Variants in PIK3CG observed in about 807,000 individuals in gnomAD.
The protein encoded by PIK3CG is phosphatidylinositol-4,5-bisphosphate 3-kinase catalytic subunit gamma.
Under a neutral mutation model 102.3 loss-of-function variants are expected in PIK3CG, and 55 were observed. That is an observed-to-expected ratio of 0.54 (90% confidence interval 0.43 to 0.67). PIK3CG has a LOEUF of 0.67. PIK3CG is among the 30% of genes least tolerant of loss of function. PIK3CG has a pLI of 0.00. For synonymous variants in PIK3CG, 552 were observed against 540.0 expected (o/e 1.02, Z -0.31); for missense variants, 1,258 against 1,391.8 (o/e 0.90, Z 1.53).
At position 106,908,761 on chromosome 7, in the gene PIK3CG, AAGTC is replaced by A. The variant is rs1161718122; in HGVS notation, c.*3375_*3378del. On this transcript the variant is annotated 3_prime_UTR_variant, in exon 11 of 11. Transcript: ENST00000496166. This position sits in a 1 kb window ranked among gnomAD's most constrained non-coding sequence, Gnocchi z 4.1. Reference sequence around the variant, plus strand: ...AATGGAAATTAATTATTTTTTAAGTAAGTCCAAAAAATAATCTAGAAAGTAAGTT... The same window carrying A: ...AATGGAAATTAATTATTTTTTAAGTACAAAAAATAATCTAGAAAGTAAGTT... Among the ~76,000 whole-genome samples the A allele has an allele frequency of 1.3e-5, 2 of 152,226 alleles. No homozygotes were observed. The highest frequency in any genetic ancestry group is 6.5e-5 in the Admixed American group (1 of 15,278).
chr7:106,908,886 A>C lies in PIK3CG; in HGVS notation c.*3499A>C, dbSNP rs1243032816. 2.0e-5 allele frequency among the ~76,000 whole-genome samples: 3 copies of C among 152,202 alleles called. No homozygotes were observed. Reference sequence around the variant, plus strand: ...TTAGACTTAACAATATGGAGAAAATAAACTTGTATTTTTAAGTGTTCTGTT... The same window carrying C: ...TTAGACTTAACAATATGGAGAAAATCAACTTGTATTTTTAAGTGTTCTGTT... On this transcript the variant is annotated 3_prime_UTR_variant, in exon 11 of 11. Transcript: ENST00000496166. The surrounding 1 kb of genome is among the most constrained non-coding windows in gnomAD (Gnocchi z 4.1).
chr7:106,869,209 C>A lies in PIK3CG; in HGVS notation c.1648C>A (p.Gln550Lys), dbSNP rs761414831. 8 of 1,614,236 alleles carry A rather than the reference C, an allele frequency of 5.0e-6. No homozygotes were observed. The highest frequency in any genetic ancestry group is 1.3e-5 in the African/African-American group (1 of 75,062). The change falls in exon 2 of 11, where the codon CAG (glutamine) becomes AAG (lysine). Residue 550 changes from glutamine to lysine, a missense_variant. Physicochemically the swap from Gln to Lys is moderately conservative, Grantham distance 53. Coordinates refer to ENST00000496166, the MANE Select transcript of PIK3CG (RefSeq NM_001282426.2). This position sits in a 1 kb window ranked among gnomAD's most constrained non-coding sequence, Gnocchi z 5.3. Reference sequence around the variant, plus strand: ...CCGGGTTCGAGCAGAAATGCCCAACCAGCTTCGCAAGCAATTGGAGGCGAT... The same window carrying A: ...CCGGGTTCGAGCAGAAATGCCCAACAAGCTTCGCAAGCAATTGGAGGCGAT... ...GDRVRAEMPNQLRKQLEAIIA... is the reference protein window; with the variant it reads ...GDRVRAEMPNKLRKQLEAIIA...
Position 106,908,812 on chromosome 7 carries a change from C to CA in PIK3CG, c.*3426dup, listed in dbSNP as rs1365822008. 6.6e-6 allele frequency among the ~76,000 whole-genome samples: 1 copy of CA among 152,136 alleles called. No homozygotes were observed. Among genetic ancestry groups the CA allele is most frequent in the African/African-American group, 2.4e-5 (1 of 41,434 alleles). On this transcript the variant is annotated 3_prime_UTR_variant, in exon 11 of 11. Transcript: ENST00000496166. The surrounding 1 kb of genome is among the most constrained non-coding windows in gnomAD (Gnocchi z 4.1). Reference sequence around the variant, plus strand: ...AGTTTCCAGAGCAAATCTGACCTAGCATTTGGTATGCTAGGCTCTGCTTTT... The same window carrying CA: ...AGTTTCCAGAGCAAATCTGACCTAGCAATTTGGTATGCTAGGCTCTGCTTTT...
chr7:106,886,971 C>T (rs1791114051), intron 10 of PIK3CG, among the ~76,000 whole-genome samples: 2 of 151,924 alleles, frequency 1.3e-5, no homozygotes, highest in Admixed American at 1.3e-4. Context: ...ACATAAAATA[C>T]ACTAGATAGC....
rs1790910706 is a variant in PIK3CG, at chr7:106,880,869, T to A, written c.2538+1204T>A. ...AATTATATTTTTTGTAGAGATGGGG[T>A]CTTGCCATGTTACCCACGCTGGCCT... On this transcript the variant is annotated intron_variant, in intron 6 of 10. Coordinates refer to ENST00000496166, the MANE Select transcript of PIK3CG (RefSeq NM_001282426.2). The surrounding 1 kb of genome is among the most constrained non-coding windows in gnomAD (Gnocchi z 4.2). 6.6e-6 allele frequency among the ~76,000 whole-genome samples: 1 copy of A among 151,932 alleles called. No individual in the cohort carries two copies. The highest frequency in any genetic ancestry group is 1.5e-5 in the Non-Finnish European group (1 of 67,978).
rs765208119 is a variant in PIK3CG, at chr7:106,905,124, G to C, written c.3046G>C (p.Ala1016Pro). 4 of 1,613,828 alleles carry C rather than the reference G, an allele frequency of 2.5e-6. No homozygotes were observed. The highest frequency in any genetic ancestry group is 3.4e-6 in the Non-Finnish European group (4 of 1,179,874). ...CTTTATCCAGGACATCTGTGTTAAG[G>C]CTTATCTAGCCCTTCGTCATCACAC... ...FQKFQDICVKAYLALRHHTNL... is the reference protein window; with the variant it reads ...FQKFQDICVKPYLALRHHTNL... Residue 1016 changes from alanine (A) to proline (P), a missense_variant, in exon 11 of 11, where the codon GCT (alanine) becomes CCT (proline). Physicochemically the swap from Ala to Pro is conservative, Grantham distance 27. Transcript: ENST00000496166. The surrounding 1 kb of genome is among the most constrained non-coding windows in gnomAD (Gnocchi z 5.6).
At position 106,879,228 on chromosome 7, in the gene PIK3CG, C is replaced by T. The variant is rs1219686460; in HGVS notation, c.2392-291C>T. Among the ~76,000 whole-genome samples, 2 of 151,974 alleles carry T rather than the reference C, an allele frequency of 1.3e-5. No homozygotes were observed. Among genetic ancestry groups the T allele is most frequent in the Non-Finnish European group, 2.9e-5 (2 of 68,004 alleles). On this transcript the variant is annotated intron_variant, in intron 5 of 10. Transcript: ENST00000496166. The surrounding 1 kb of genome is among the most constrained non-coding windows in gnomAD (Gnocchi z 4.9). ...TGTGGGAGTGTCAGAGCTCTGTGTG[C>T]GTGGGGAGGGTGAGATCTGCCATAC...
At position 106,867,600 on chromosome 7, in the gene PIK3CG, A is replaced by C; in HGVS notation, c.39A>C (p.Arg13Ser). The C allele has an allele frequency of 1.2e-6, 2 of 1,604,814 alleles. No individual in the cohort carries two copies. Among genetic ancestry groups the C allele is most frequent in the Non-Finnish European group, 8.5e-7 (1 of 1,175,866 alleles). Residue 13 changes from arginine (R) to serine (S), a missense_variant, in exon 2 of 11, where the codon AGA (arginine) becomes AGC (serine). By Grantham distance (110) the Arg-to-Ser change is moderately radical. Coordinates refer to ENST00000496166, the MANE Select transcript of PIK3CG (RefSeq NM_001282426.2). The surrounding 1 kb of genome is among the most constrained non-coding windows in gnomAD (Gnocchi z 5.1). ...LENYKQPVVL[R>S]EDNCRRRRRM... ...ACTATAAACAGCCCGTGGTGCTGAG[A>C]GAGGACAACTGCCGAAGGCGCCGGA...
At position 106,867,667 on chromosome 7, in the gene PIK3CG, G is replaced by T. The variant is rs142342118; in HGVS notation, c.106G>T (p.Glu36Ter). 1 of 1,613,288 alleles carries T rather than the reference G, an allele frequency of 6.2e-7. No homozygotes were observed. The highest frequency in any genetic ancestry group is 1.3e-5 in the African/African-American group (1 of 74,950). The change falls in exon 2 of 11, where the codon GAG becomes TAG. Residue 36 changes from glutamate to a stop codon, truncating the protein, a stop_gained. Transcript: ENST00000496166. LOFTEE classifies it high-confidence loss of function. The surrounding 1 kb of genome is among the most constrained non-coding windows in gnomAD (Gnocchi z 5.1). Reference protein sequence around the residue: ...RSAAASLSSMELIPIEFVLPT... With the variant: ...RSAAASLSSM ...TGCTGCGGCCAGCCTGTCCTCCATG[G>T]AGCTCATCCCCATCGAGTTCGTGCT... is the stretch of plus-strand genomic sequence containing the variant.
rs1277722558 is a variant in PIK3CG at position 106,868,221 on chromosome 7, C to G, written c.660C>G (p.Ile220Met). Residue 220 changes from isoleucine to methionine, a missense_variant, in exon 2 of 11, where the codon ATC (isoleucine) becomes ATG (methionine). Transcript: ENST00000496166. The surrounding 1 kb of genome is among the most constrained non-coding windows in gnomAD (Gnocchi z 6.2). ...YLWKKIANNC[I>M]FIVIHRSTTS... ...GGAAGAAGATTGCCAACAACTGCAT[C>G]TTCATCGTCATTCACCGCAGCACCA... 1 of 1,612,542 alleles carries G rather than the reference C, an allele frequency of 6.2e-7. No individual in the cohort carries two copies. The highest frequency in any genetic ancestry group is 2.2e-5 in the East Asian group (1 of 44,894).
chr7:106,865,652 G>A (rs1562951963), intron 1 of PIK3CG: 2 of 152,274 alleles, frequency 1.3e-5, no homozygotes, highest in African/African-American at 4.8e-5. Flanking sequence ...GAGGAAAAGG[G>A]AGGGCACGGC....
In PIK3CG at chr7:106,871,296, C is replaced by T. The variant is rs563645792; in HGVS notation, c.1996-1241C>T. On this transcript the variant is annotated intron_variant, in intron 2 of 10. Transcript: ENST00000496166. Reference sequence around the variant, plus strand: ...TCTGGCTTAGAAACTTAAAACATTGCGAAAATGAGTACTGGTGGCTAAAAG... The same window carrying T: ...TCTGGCTTAGAAACTTAAAACATTGTGAAAATGAGTACTGGTGGCTAAAAG... 3.9e-5 allele frequency among the ~76,000 whole-genome samples: 6 copies of T among 152,256 alleles called. No individual in the cohort carries two copies. In the South Asian group the frequency reaches 6.2e-4, roughly 16 times the overall value.
At chr7:106,887,933 CTTTTTTTTTTT>C (rs71156344) in intron 10 of PIK3CG, among the ~76,000 whole-genome samples, 2 of 60,602 alleles carry the variant, frequency 3.3e-5, no homozygotes, top group Non-Finnish European at 5.7e-5. Flanking sequence ...GACGACTCTC[CTTTTTTTTTTT>C]TTTTTTTTTT....
chr7:106,905,033 G>A lies in PIK3CG; in HGVS notation c.3031-76G>A, dbSNP rs775792569. 3.4e-5 allele frequency: 44 copies of A among 1,301,198 alleles called. No individual in the cohort carries two copies. The highest frequency in any genetic ancestry group is 4.4e-5 in the Non-Finnish European group (41 of 923,166). 80.6% of individuals were successfully genotyped at this position (1,301,198 alleles called of 1,614,324 possible). On this transcript the variant is annotated intron_variant, in intron 10 of 10. Coordinates refer to ENST00000496166, the MANE Select transcript of PIK3CG (RefSeq NM_001282426.2). The surrounding 1 kb of genome is among the most constrained non-coding windows in gnomAD (Gnocchi z 5.6). ...GACAGGTAACTCTATGTACATTTCAGTACATCCCTGTAATCTTCAGCCTAC... is the reference window on the plus strand; with the variant it reads ...GACAGGTAACTCTATGTACATTTCAATACATCCCTGTAATCTTCAGCCTAC...
chr7:106,868,016 G>C lies in PIK3CG; in HGVS notation c.455G>C (p.Arg152Pro), dbSNP rs762164881. The C allele has an allele frequency of 1.2e-6, 2 of 1,611,842 alleles. No individual in the cohort carries two copies. The highest frequency in any genetic ancestry group is 2.2e-5 in the South Asian group (2 of 91,026). The change falls in exon 2 of 11, where the codon CGG becomes CCG. Residue 152 changes from arginine (R) to proline (P), a missense_variant. Around this residue, in one of 2 missense-constraint regions of PIK3CG, gnomAD observed 832 missense variants for 787.5 expected, o/e 1.06. Transcript: ENST00000496166. This position sits in a 1 kb window ranked among gnomAD's most constrained non-coding sequence, Gnocchi z 6.2. ...PPSEESQAFQ[R>P]QLTALIGYDV... ...TCCGAGGAGTCCCAAGCCTTCCAGCGGCAGCTCACGGCGCTGATTGGCTAT... is the reference window on the plus strand; with the variant it reads ...TCCGAGGAGTCCCAAGCCTTCCAGCCGCAGCTCACGGCGCTGATTGGCTAT...
chr7:106,889,653 G>A (rs1436925031), intron 10 of PIK3CG, among the ~76,000 whole-genome samples: 1 of 152,174 alleles, frequency 6.6e-6, no homozygotes, highest in African/African-American at 2.4e-5. Context: ...GAGAAAAATT[G>A]ACCCACTTTT....
At chr7:106,882,236 A>G in intron 7 of PIK3CG, 29 bp downstream of exon 7, 1 of 1,064,598 alleles carries the variant, frequency 9.4e-7, no homozygotes, top group Non-Finnish European at 1.4e-6. Context: ...AGATGAATAG[A>G]CCTCTCAGCT....
chr7:106,876,008 G>A (rs368378283), intron 5 of PIK3CG, among the ~76,000 whole-genome samples: 20 of 143,304 alleles, frequency 1.4e-4, no homozygotes, highest in African/African-American at 4.4e-4. Context: ...TCCGCTTCCC[G>A]GGTTCACGCC....
In PIK3CG at chr7:106,872,852, A is replaced by C; in HGVS notation, c.2201A>C (p.Gln734Pro). Residue 734 changes from glutamine to proline, a missense_variant, in exon 4 of 11, where the codon CAA (glutamine) becomes CCA (proline). Physicochemically the swap from Gln to Pro is moderately conservative, Grantham distance 76. This residue lies in a region of PIK3CG where 426 missense variants were observed against 604.2 expected (regional missense o/e 0.71). Transcript: ENST00000496166. This position sits in a 1 kb window ranked among gnomAD's most constrained non-coding sequence, Gnocchi z 5.3. ...ACAGCCATGCTGCACGACTTTACCC[A>C]ACAAGTCCAAGTAATCGAGATGTTA... The part of the protein sequence containing the change: ...CGTAMLHDFT[Q>P]QVQVIEMLQK... 1.2e-6 allele frequency: 2 copies of C among 1,614,204 alleles called. No individual in the cohort carries two copies. Among genetic ancestry groups the C allele is most frequent in the South Asian group, 2.2e-5 (2 of 91,082 alleles).
Sources: allele counts gnomAD v4.1 joint callset (sites outside exome capture counted in the v4.1 genomes callset), GRCh38; gene constraint gnomAD v4.1.1; regional missense constraint gnomAD v4.1.1; non-coding constraint Gnocchi (gnomAD v3.1); transcripts MANE v1.5; gene names NCBI Gene and HGNC (gene_info 2026-07-23, HGNC 2026-07-21).